Variants in KNDC1 observed in about 807,000 individuals in gnomAD.
KNDC1 encodes the protein kinase non-catalytic C-lobe domain-containing protein 1.
Under a neutral mutation model 172.8 loss-of-function variants are expected in KNDC1, and 106 were observed. That is an observed-to-expected ratio of 0.61 (90% CI 0.52 to 0.72). The LOEUF is 0.72. KNDC1 is among the 30% of genes least tolerant of loss of function. KNDC1 has a pLI of 0.00. For missense variants in KNDC1, 2,325 were observed against 2,394.5 expected, an observed-to-expected ratio of 0.97 and a Z score of 0.61; for synonymous variants, 1,083 against 1,062.2, an observed-to-expected ratio of 1.02 and a Z score of -0.38.
intron 9 of KNDC1, among the ~76,000 whole-genome samples, chr10:133,190,537 G>C (rs988354470): frequency 6.6e-6 from 1 of 152,228 alleles, no homozygotes; most frequent in Non-Finnish European, 1.5e-5. Context: ...AGTGCCCTGG[G>C]TTTTCCTTCT....
intron 1 of KNDC1, among the ~76,000 whole-genome samples, chr10:133,164,644 G>C (rs1024535424): frequency 5.9e-5 from 9 of 152,208 alleles, no homozygotes; most frequent in Admixed American, 5.9e-4. Flanking sequence ...ACTTGAGCAC[G>C]AAGCTTCCTG....
chr10:133,188,187 G>C (rs1448663040), intron 6 of KNDC1, among the ~76,000 whole-genome samples: 2 of 152,198 alleles, frequency 1.3e-5, no homozygotes, highest in African/African-American at 4.8e-5. Context: ...GGGAACATGG[G>C]TGTGCACGTA....
At chr10:133,183,146 G>A (rs1034890077) in intron 3 of KNDC1, among the ~76,000 whole-genome samples, 198 bp from the exon 4 acceptor site, 16 of 148,288 alleles carry the variant, frequency 1.1e-4, no homozygotes, top group African/African-American at 3.7e-4. Flanking sequence ...TGTGAGCAGC[G>A]TGGGCGCGGG....
Position 133,189,590 on chromosome 10 carries a change from T to C in KNDC1, c.1442-8T>C. The C allele has an allele frequency of 6.2e-7, 1 of 1,612,866 alleles. No individual in the cohort carries two copies. Among genetic ancestry groups the C allele is most frequent in the Non-Finnish European group, 8.5e-7 (1 of 1,179,892 alleles). On this transcript the variant is annotated splice_region_variant and splice_polypyrimidine_tract_variant and intron_variant, in intron 7 of 29. Coordinates refer to ENST00000304613, the MANE Select transcript of KNDC1 (RefSeq NM_152643.8). ...TGCATACCCGCCCTGACCCAAGCTC[T>C]GCCACAGCCTACCTGTGTCTGGACT...
At position 133,214,120 on chromosome 10, in the gene KNDC1, A is replaced by C. The variant is rs770618488; in HGVS notation, c.4675A>C (p.Lys1559Gln). The C allele has an allele frequency of 6.2e-7, 1 of 1,613,956 alleles. No homozygotes were observed. Among genetic ancestry groups the C allele is most frequent in the South Asian group, 1.1e-5 (1 of 91,088 alleles). ...AGAGATTGTGACCAGCCACACCTCC[A>C]AGGTGGGCACCCTACAGTTCCGAGG... ...AAEIVTSHTSKLQVNLLSKFL... is the reference protein window; with the variant it reads ...AAEIVTSHTSQLQVNLLSKFL... Residue 1559 changes from lysine to glutamine, a missense_variant and splice_region_variant, in exon 26 of 30, where the codon AAG becomes CAG. Lys to Gln is a moderately conservative substitution (Grantham distance 53). Transcript: ENST00000304613.
chr10:133,199,297 G>C (rs769918772), intron 14 of KNDC1, 31 bp downstream of exon 14: 3 of 1,540,396 alleles, frequency 1.9e-6, no homozygotes, highest in Non-Finnish European at 2.6e-6. Context: ...CCCCAGAGGA[G>C]GCCCGGGCCA....
chr10:133,224,935 T>G lies in KNDC1; in HGVS notation c.*45T>G, dbSNP rs1244641998. On this transcript the variant is annotated 3_prime_UTR_variant, in exon 30 of 30. Transcript: ENST00000304613. This position sits in a 1 kb window ranked among gnomAD's most constrained non-coding sequence, Gnocchi z 5.4. The stretch of plus-strand genomic sequence containing the variant: ...GGAATTCCAGATCCGAATCCGACTG[T>G]GGGGGGCGGGCTGGGAGGTGGGAGC... 6.1e-6 allele frequency: 9 copies of G among 1,486,544 alleles called. No individual in the cohort carries two copies. The highest frequency in any genetic ancestry group is 2.3e-5 in the East Asian group (1 of 42,760). 92.1% of individuals were successfully genotyped at this position (1,486,544 alleles called of 1,614,324 possible). A position where few individuals can be genotyped will look rare whatever the true frequency, so the allele number is the denominator to read the frequency against.
intron 11 of KNDC1, 98 bp from the exon 12 acceptor site, chr10:133,197,577 C>A: frequency 1.1e-6 from 1 of 908,540 alleles, no homozygotes; most frequent in Non-Finnish European, 1.8e-6. Context: ...GCAGGAAGCT[C>A]CACGGCACCG....
intron 3 of KNDC1, among the ~76,000 whole-genome samples, chr10:133,177,895 A>C (rs1309196095): frequency 1.7e-5 from 1 of 57,726 alleles, no homozygotes; most frequent in Admixed American, 1.7e-4. Context: ...TGTAGTGTGC[A>C]TGTGTGTGCA....
At chr10:133,186,958 G>A (rs1231241179) in intron 6 of KNDC1, among the ~76,000 whole-genome samples, 1 of 152,128 alleles carries the variant, frequency 6.6e-6, no homozygotes, top group African/African-American at 2.4e-5. Flanking sequence ...ACACAGCCCC[G>A]CACGGCCGTC....
chr10:133,162,296 T>TC (rs1853001866), intron 1 of KNDC1, among the ~76,000 whole-genome samples: 1 of 108,376 alleles, frequency 9.2e-6, no homozygotes, highest in Admixed American at 1.1e-4. Context: ...GAAATCTCCA[T>TC]CGGGGCACCT....
intron 2 of KNDC1, 60 bp downstream of exon 2, chr10:133,167,639 G>T (rs1853216923): frequency 3.3e-6 from 5 of 1,505,750 alleles, no homozygotes; most frequent in South Asian, 2.4e-5. Context: ...TGCCTTTCAG[G>T]GGGGATGTGA....
In KNDC1 at chr10:133,186,089, G is replaced by A; in HGVS notation, c.741G>A (p.Glu247=). The A allele has an allele frequency of 6.2e-7, 1 of 1,600,208 alleles. No homozygotes were observed. The highest frequency in any genetic ancestry group is 8.5e-7 in the Non-Finnish European group (1 of 1,174,414). ...TTCTGCCGACCCCCGAAGGCCCGGA[G>A]TCTGAGACGAGCCGGGGCCCCAGAG... ...PEVLPTPEGP[E]SETSRGPRAS... is the part of the protein sequence containing the mutation. Residue 247 remains glutamate (E), a synonymous_variant, in exon 6 of 30, where the codon GAG becomes GAA. Coordinates refer to ENST00000304613, the MANE Select transcript of KNDC1 (RefSeq NM_152643.8).
chr10:133,201,508 G>C lies in KNDC1; in HGVS notation c.2997G>C (p.Glu999Asp). The C allele has an allele frequency of 2.5e-6, 4 of 1,593,776 alleles. No homozygotes were observed. Among genetic ancestry groups the C allele is most frequent in the Non-Finnish European group, 3.4e-6 (4 of 1,172,640 alleles). ...KRPSLHRLGK[E>D]KPAMARTSSR... ...GCGTCTCTTTCTTTCAAGGAAAAGA[G>C]AAGCCAGCCATGGCCAGGACCAGCA... The change falls in exon 17 of 30, where the codon GAG (glutamate) becomes GAC (aspartate). Residue 999 changes from glutamate (E) to aspartate (D), a missense_variant. By Grantham distance (45) the Glu-to-Asp change is conservative. Transcript: ENST00000304613.
intron 5 of KNDC1, among the ~76,000 whole-genome samples, chr10:133,185,156 GGC>G (rs1853852825): frequency 6.6e-6 from 1 of 151,588 alleles, no homozygotes; most frequent in Non-Finnish European, 1.5e-5. Context: ...CTGCGGGAGG[GGC>G]GCAGTGTGGA....
rs773521399 is a variant in KNDC1, at chr10:133,213,989, C to T, written c.4544C>T (p.Ser1515Phe). 6.2e-7 allele frequency: 1 copy of T among 1,614,160 alleles called. No individual in the cohort carries two copies. The highest frequency in any genetic ancestry group is 1.1e-5 in the South Asian group (1 of 91,082). ...TAIPKASSSE[S>F]LSAKTCSLFL... ...TCTTCCAGAGCCAGCTCTTCTGAGT[C>T]TCTTTCGGCCAAAACCTGCAGCTTA... The change falls in exon 26 of 30, where the codon TCT becomes TTT. Residue 1515 changes from serine (S) to phenylalanine (F), a missense_variant. By Grantham distance (155) the Ser-to-Phe change is radical. Coordinates refer to ENST00000304613, the MANE Select transcript of KNDC1 (RefSeq NM_152643.8).
intron 3 of KNDC1, among the ~76,000 whole-genome samples, chr10:133,169,949 C>T (rs1290441797): frequency 6.6e-6 from 1 of 152,200 alleles, no homozygotes; most frequent in Admixed American, 6.5e-5. Flanking sequence ...CCGCGTTGCA[C>T]GTTCCTCCAA....
intron 29 of KNDC1, among the ~76,000 whole-genome samples, chr10:133,220,841 G>T (rs1028428577): frequency 2.0e-5 from 3 of 151,774 alleles, no homozygotes; most frequent in Non-Finnish European, 4.4e-5. Flanking sequence ...AGGTGGCCGC[G>T]CATCCAGCAG....
Position 133,198,488 on chromosome 10 carries a change from A to G in KNDC1, c.2058A>G (p.Ala686=), listed in dbSNP as rs779386977. Residue 686 remains alanine (A), a synonymous_variant, in exon 13 of 30, where the codon GCA becomes GCG. Transcript: ENST00000304613. ...HFKPIVLAQN[A]SVARDQPALA... is the part of the protein sequence containing the mutation. ...AGCCCATTGTCCTCGCGCAGAACGC[A>G]AGTGTGGCCAGGTGAGCATCGTCCC... 6.9e-6 allele frequency: 11 copies of G among 1,604,828 alleles called. No individual in the cohort carries two copies. In the South Asian group the frequency reaches 1.1e-4, roughly 16 times the overall value.
Sources: gnomAD v4.1 joint callset for allele counts (sites outside exome capture counted in the v4.1 genomes callset) on GRCh38, gnomAD v4.1.1 for gene constraint, Gnocchi (gnomAD v3.1) non-coding constraint, MANE v1.5 for transcripts, NCBI Gene and HGNC (gene_info 2026-07-23, HGNC 2026-07-21) for gene names.